The following RASGRF2 variants were observed in gnomAD, a reference collection of about 807,000 sequenced individuals.
The protein encoded by RASGRF2 is Ras protein specific guanine nucleotide releasing factor 2.
Under a neutral mutation model 151.0 loss-of-function variants are expected in RASGRF2, and 76 were observed. The observed-to-expected ratio is 0.50, with a 90% confidence interval of 0.42 to 0.61. The LOEUF is 0.61. Ranked by LOEUF, RASGRF2 falls within the 20% of genes least tolerant of loss-of-function variation. RASGRF2 has a pLI of 0.00. For synonymous variants in RASGRF2, 504 were observed against 566.5 expected (o/e 0.89, Z 1.57); for missense variants, 1,148 against 1,564.6 (o/e 0.73, Z 4.49).
intron 25 of RASGRF2, among the ~76,000 whole-genome samples, chr5:81,218,041 G>A (rs1014459047): frequency 6.6e-6 from 1 of 151,872 alleles, no homozygotes; most frequent in Non-Finnish European, 1.5e-5. Context: ...CGCACCTGGC[G>A]ACCAGCTAAT....
chr5:80,961,099 CA>C, intron 1 of RASGRF2, 73 bp downstream of exon 1: 6 of 1,376,002 alleles, frequency 4.4e-6, no homozygotes, highest in Non-Finnish European at 4.7e-6. Context: ...ATCCGGGGAT[CA>C]GGGGTCGGGG....
rs76961028 is a variant in RASGRF2 at position 81,083,582 on chromosome 5, A to G, written c.1162-2220A>G. On this transcript the variant is annotated intron_variant, in intron 7 of 26. Coordinates refer to ENST00000265080, the MANE Select transcript of RASGRF2 (RefSeq NM_006909.3). ...CAGTAAAATTATCCCCAGTTGAACT[A>G]TCAGAACAGTAAGTCCAAGTATTGC... Among the ~76,000 whole-genome samples the G allele has an allele frequency of 3.4e-3, 519 of 152,358 alleles. 5 individuals carry two copies. The South Asian group carries it at 0.036, about 10-fold the overall frequency.
chr5:81,155,754 G>A (rs949029974), intron 17 of RASGRF2, among the ~76,000 whole-genome samples: 2 of 152,256 alleles, frequency 1.3e-5, no homozygotes. Context: ...ACAAACAGAG[G>A]GCTTCAGAGT....
At chr5:81,024,487 T>C (rs1749946650) in intron 1 of RASGRF2, among the ~76,000 whole-genome samples, 1 of 151,968 alleles carries the variant, frequency 6.6e-6, no homozygotes, top group Non-Finnish European at 1.5e-5. Flanking sequence ...CTTGAACTCC[T>C]GACCTCAGGT....
At chr5:81,153,217 C>T (rs1330295649) in intron 17 of RASGRF2, among the ~76,000 whole-genome samples, 1 of 152,106 alleles carries the variant, frequency 6.6e-6, no homozygotes, top group African/African-American at 2.4e-5. Context: ...CGGTGTGATC[C>T]GTGTGTATGT....
At chr5:81,185,820 T>C (rs969618652) in intron 18 of RASGRF2, among the ~76,000 whole-genome samples, 15 of 152,118 alleles carry the variant, frequency 9.9e-5, no homozygotes, top group Non-Finnish European at 1.8e-4. Flanking sequence ...GGACTGAAGT[T>C]TTGAAGAATA....
rs189485109 is a variant in RASGRF2, at chr5:81,121,129, A to G, written c.2471-2513A>G. 3.9e-5 allele frequency among the ~76,000 whole-genome samples: 6 copies of G among 152,236 alleles called. 1 individual carries two copies. The highest frequency in any genetic ancestry group is 1.4e-4 in the African/African-American group (6 of 41,534). ...GTGTGTGTGATGTCTGTAAGAGCCAAAAGTGCTGCTGTGTGAACCCTGCTG... is the reference window on the plus strand; with the variant it reads ...GTGTGTGTGATGTCTGTAAGAGCCAGAAGTGCTGCTGTGTGAACCCTGCTG... On this transcript the variant is annotated intron_variant, in intron 15 of 26. Coordinates refer to ENST00000265080, the MANE Select transcript of RASGRF2 (RefSeq NM_006909.3).
At chr5:81,082,809 C>T (rs1402174485) in intron 7 of RASGRF2, among the ~76,000 whole-genome samples, 1 of 152,186 alleles carries the variant, frequency 6.6e-6, no homozygotes, top group Admixed American at 6.5e-5. Context: ...GAAGAAGCCT[C>T]AAAGAGTTGA....
intron 17 of RASGRF2, among the ~76,000 whole-genome samples, 178 bp downstream of exon 17, chr5:81,127,341 T>C (rs1430202190): frequency 6.6e-6 from 1 of 152,088 alleles, no homozygotes; most frequent in Non-Finnish European, 1.5e-5. Flanking sequence ...CAGGGCAACA[T>C]AGAGACCCCA....
At chr5:80,992,509 C>G (rs1317190381) in intron 1 of RASGRF2, among the ~76,000 whole-genome samples, 1 of 152,132 alleles carries the variant, frequency 6.6e-6, no homozygotes, top group Non-Finnish European at 1.5e-5. Context: ...GAGGGAGATA[C>G]AATCAGGTTC....
At chr5:81,217,303 G>A (rs1319251180) in intron 24 of RASGRF2, 53 bp from the exon 25 acceptor site, 10 of 1,545,132 alleles carry the variant, frequency 6.5e-6, no homozygotes, top group Non-Finnish European at 8.7e-6. Context: ...TTTGGGGAGG[G>A]AAATAGACAT....
intron 23 of RASGRF2, among the ~76,000 whole-genome samples, chr5:81,214,303 G>T (rs986284421): frequency 7.9e-5 from 12 of 152,210 alleles, no homozygotes; most frequent in African/African-American, 2.7e-4. Flanking sequence ...AGTGGCCTTA[G>T]CATGGGCTAG....
intron 17 of RASGRF2, among the ~76,000 whole-genome samples, chr5:81,150,912 T>A (rs1433416883): frequency 6.6e-6 from 1 of 152,186 alleles, no homozygotes; most frequent in African/African-American, 2.4e-5. Flanking sequence ...CCAAGAGGCT[T>A]GCCAATAGGT....
At chr5:81,201,977 G>C (rs555772571) in intron 19 of RASGRF2, among the ~76,000 whole-genome samples, 93 of 146,210 alleles carry the variant, frequency 6.4e-4, no homozygotes, top group Admixed American at 1.6e-3. Flanking sequence ...TATGACTATG[G>C]GGGATTGTAT....
intron 17 of RASGRF2, among the ~76,000 whole-genome samples, chr5:81,128,446 TCTCA>T (rs1362795966): frequency 1.3e-5 from 2 of 152,074 alleles, no homozygotes; most frequent in African/African-American, 2.4e-5. Context: ...TTCAGGTGAG[TCTCA>T]CTCAGGCGAT....
rs375289678 is a variant in RASGRF2 at position 81,076,850 on chromosome 5, G to A, written c.888-3271G>A. On this transcript the variant is annotated intron_variant, in intron 5 of 26. Transcript: ENST00000265080. Reference sequence around the variant, plus strand: ...CTGAGAGCTTGTGTTAGCTTATTAGGCTAGTGGTTGTGACTTTCCAGTGAG... The same window carrying A: ...CTGAGAGCTTGTGTTAGCTTATTAGACTAGTGGTTGTGACTTTCCAGTGAG... 2.9e-4 allele frequency among the ~76,000 whole-genome samples: 44 copies of A among 152,338 alleles called. 1 individual carries two copies. The South Asian group carries it at 8.7e-3, about 30-fold the overall frequency.
intron 16 of RASGRF2, 102 bp from the exon 17 acceptor site, chr5:81,126,972 G>A (rs1331244044): frequency 4.0e-6 from 5 of 1,263,894 alleles, no homozygotes; most frequent in Non-Finnish European, 5.6e-6. Context: ...AGGGCATTTG[G>A]CCCAGTCCTT....
At chr5:81,114,888 A>G (rs1753108620) in intron 15 of RASGRF2, 1 of 152,258 alleles carries the variant, frequency 6.6e-6, no homozygotes, top group Non-Finnish European at 1.5e-5. Context: ...AATAAAATAT[A>G]CAGTGAACTG....
intron 1 of RASGRF2, among the ~76,000 whole-genome samples, chr5:80,991,042 T>G (rs1748632605): frequency 6.6e-6 from 1 of 152,212 alleles, no homozygotes. Flanking sequence ...TTGTCAGCAC[T>G]TCTTAATTTT....
Sources: gnomAD v4.1 joint callset for allele counts (sites outside exome capture counted in the v4.1 genomes callset) on GRCh38, gnomAD v4.1.1 for gene constraint, MANE v1.5 for transcripts, NCBI Gene and HGNC (gene_info 2026-07-23, HGNC 2026-07-21) for gene names.